SLC9A4: variants seen among roughly 807,000 people sequenced by gnomAD.
SLC9A4 encodes sodium/hydrogen exchanger 4.
In SLC9A4, 63 loss-of-function variants were observed where a neutral mutation model predicts 67.4. That is an observed-to-expected ratio of 0.93 (90% CI 0.76 to 1.15). The LOEUF (loss-of-function observed/expected upper bound fraction) is 1.15. Ranked by LOEUF, SLC9A4 falls within the 50% of genes most tolerant of loss-of-function variation. The probability of loss-of-function intolerance (pLI) is 0.00; values close to 1 mark genes in which losing one functional copy is unlikely to be tolerated. For missense variants in SLC9A4, 1,089 were observed against 987.7 expected (o/e 1.10, Z -1.38); for synonymous variants, 393 against 367.2 (o/e 1.07, Z -0.80).
At chr2:102,513,419 C>G (rs1476604243) in intron 7 of SLC9A4, among the ~76,000 whole-genome samples, 4 of 152,180 alleles carry the variant, frequency 2.6e-5, no homozygotes, top group Admixed American at 2.6e-4. Flanking sequence ...ATTCCAACTC[C>G]AAACAAATGG....
intron 2 of SLC9A4, among the ~76,000 whole-genome samples, chr2:102,485,427 T>C (rs990636382): frequency 4.6e-5 from 7 of 152,236 alleles, no homozygotes; most frequent in Non-Finnish European, 1.0e-4. Flanking sequence ...TTATTGTGGA[T>C]TCTTGCTGCC....
At chr2:102,529,135 G>A (rs995729667) in intron 11 of SLC9A4, among the ~76,000 whole-genome samples, 8 of 152,216 alleles carry the variant, frequency 5.3e-5, no homozygotes, top group African/African-American at 1.9e-4. Flanking sequence ...CTTGACATGG[G>A]TAAATACAGA....
chr2:102,509,510 C>A (rs1225755650), intron 6 of SLC9A4, among the ~76,000 whole-genome samples: 2 of 152,214 alleles, frequency 1.3e-5, no homozygotes, highest in Non-Finnish European at 2.9e-5. Context: ...CATTGTTCTC[C>A]CTACCACAGT....
chr2:102,474,021 T>C lies in SLC9A4; in HGVS notation c.256+6T>C. Reference sequence around the variant, plus strand: ...AGCATCCCTTGCAAAAATAGGTAAGTCCTTAAACACCTGGTTTGGTGAGTT... The same window carrying C: ...AGCATCCCTTGCAAAAATAGGTAAGCCCTTAAACACCTGGTTTGGTGAGTT... On this transcript the variant is annotated splice_donor_region_variant and intron_variant, in intron 1 of 11. Coordinates refer to ENST00000295269, the MANE Select transcript of SLC9A4 (RefSeq NM_001011552.4). The C allele has an allele frequency of 2.5e-6, 4 of 1,611,506 alleles. No homozygotes were observed. The highest frequency in any genetic ancestry group is 1.1e-5 in the South Asian group (1 of 90,974).
intron 2 of SLC9A4, among the ~76,000 whole-genome samples, chr2:102,494,021 G>C (rs944158168): frequency 3.3e-5 from 5 of 151,864 alleles, no homozygotes; most frequent in Non-Finnish European, 5.9e-5. Context: ...CTATGTCATA[G>C]AATTTACCCT....
intron 8 of SLC9A4, 82 bp from the exon 9 acceptor site, chr2:102,519,777 G>T: frequency 7.5e-7 from 1 of 1,330,076 alleles, no homozygotes; most frequent in South Asian, 1.3e-5. Context: ...CCTCAGTACA[G>T]AGCAAGGCCC....
chr2:102,479,090 G>A lies in SLC9A4; in HGVS notation c.508G>A (p.Ala170Thr). 6.2e-7 allele frequency: 1 copy of A among 1,614,196 alleles called. No homozygotes were observed. The highest frequency in any genetic ancestry group is 1.7e-5 in the Admixed American group (1 of 60,022). The change falls in exon 2 of 12, where the codon GCC becomes ACC. Residue 170 changes from alanine to threonine, a missense_variant. Coordinates refer to ENST00000295269, the MANE Select transcript of SLC9A4 (RefSeq NM_001011552.4). ...GGCAGTATTGGGGGCCCTGATCAAC[G>A]CCTTGGGCATTGGCCTCTCCCTCTA... ...WWAVLGALIN[A>T]LGIGLSLYLI...
In SLC9A4 at chr2:102,503,470, C is replaced by T. The variant is rs1398660564; in HGVS notation, c.743C>T (p.Ala248Val). Reference protein sequence around the residue: ...ITVVLYNMLIAFTKMHKFEDI... With the variant: ...ITVVLYNMLIVFTKMHKFEDI... Reference sequence around the variant, plus strand: ...TAGGTCTTATACAATATGTTAATTGCCTTTACAAAGATGCATAAATTTGAA... The same window carrying T: ...TAGGTCTTATACAATATGTTAATTGTCTTTACAAAGATGCATAAATTTGAA... The change falls in exon 3 of 12, where the codon GCC (alanine) becomes GTC (valine). Residue 248 changes from alanine to valine, a missense_variant. Physicochemically the swap from Ala to Val is moderately conservative, Grantham distance 64. Coordinates refer to ENST00000295269, the MANE Select transcript of SLC9A4 (RefSeq NM_001011552.4). 3 of 1,611,806 alleles carry T rather than the reference C, an allele frequency of 1.9e-6. No individual in the cohort carries two copies. Among genetic ancestry groups the T allele is most frequent in the Non-Finnish European group, 1.7e-6 (2 of 1,178,378 alleles).
chr2:102,510,272 C>CAGATACAGATATAGATATAGATAT (rs61491026), intron 6 of SLC9A4, among the ~76,000 whole-genome samples: 4,216 of 126,108 alleles, frequency 0.033, 115 homozygotes, highest in Middle Eastern at 0.07. Flanking sequence ...GATACAGATA[C>CAGATACAGATATAGATATAGATAT]AGATATAGAT....
At chr2:102,528,273 G>T (rs978319155) in intron 11 of SLC9A4, among the ~76,000 whole-genome samples, 2 of 152,098 alleles carry the variant, frequency 1.3e-5, no homozygotes, top group Non-Finnish European at 2.9e-5. Flanking sequence ...CTCCCAAAGT[G>T]CTGGGATTAC....
chr2:102,496,494 A>G (rs1201891827), intron 2 of SLC9A4, among the ~76,000 whole-genome samples: 1 of 152,220 alleles, frequency 6.6e-6, no homozygotes, highest in Non-Finnish European at 1.5e-5. Flanking sequence ...AAAGGGAGGG[A>G]TATACCTAGT....
intron 2 of SLC9A4, among the ~76,000 whole-genome samples, chr2:102,482,644 A>G (rs1020865967): frequency 2.6e-5 from 4 of 152,034 alleles, no homozygotes; most frequent in African/African-American, 9.7e-5. Flanking sequence ...CTCAGATCCA[A>G]GTTTTTTGGA....
At chr2:102,491,141 G>A (rs1684689383) in intron 2 of SLC9A4, among the ~76,000 whole-genome samples, 1 of 152,142 alleles carries the variant, frequency 6.6e-6, no homozygotes, top group African/African-American at 2.4e-5. Context: ...ACCTCAAAGA[G>A]ACTAGAAGTG....
At chr2:102,513,662 T>C (rs1005499592) in intron 7 of SLC9A4, among the ~76,000 whole-genome samples, 1 of 152,244 alleles carries the variant, frequency 6.6e-6, no homozygotes, top group Admixed American at 6.5e-5. Flanking sequence ...TATTGGGTTC[T>C]GGTTGAATAG....
chr2:102,500,740 C>T (rs1684912921), intron 2 of SLC9A4, among the ~76,000 whole-genome samples: 1 of 152,116 alleles, frequency 6.6e-6, no homozygotes, highest in African/African-American at 2.4e-5. Context: ...TATGTCCATC[C>T]CATAACCTCC....
rs187577830 is a variant in SLC9A4, at chr2:102,523,071, C to T, written c.1819-1953C>T. ...GGGGCTTTGACCTCCTAGACTCAAG[C>T]GACTCTCCCACCTCAGCTTCCTGAG... On this transcript the variant is annotated intron_variant, in intron 9 of 11. Transcript: ENST00000295269. Among the ~76,000 whole-genome samples the T allele has an allele frequency of 3.4e-4, 52 of 152,028 alleles. No individual in the cohort carries two copies. In the East Asian group the frequency reaches 9.7e-3, roughly 28 times the overall value.
intron 2 of SLC9A4, among the ~76,000 whole-genome samples, chr2:102,483,496 C>T (rs1684510736): frequency 6.6e-6 from 1 of 152,154 alleles, no homozygotes; most frequent in Non-Finnish European, 1.5e-5. Context: ...GACAATGCTG[C>T]AGATCTTCAT....
intron 2 of SLC9A4, among the ~76,000 whole-genome samples, chr2:102,487,645 C>G (rs1334611240): frequency 1.3e-5 from 2 of 152,140 alleles, no homozygotes; most frequent in Non-Finnish European, 2.9e-5. Context: ...TTGAATTGTA[C>G]AAATTGGCTT....
At chr2:102,492,435 A>G (rs1467166612) in intron 2 of SLC9A4, among the ~76,000 whole-genome samples, 3 of 152,220 alleles carry the variant, frequency 2.0e-5, no homozygotes, top group Admixed American at 2.0e-4. Flanking sequence ...TCAATTCTTG[A>G]CTTCTGTGCA....
Sources: allele counts gnomAD v4.1 joint callset (sites outside exome capture counted in the v4.1 genomes callset), GRCh38; gene constraint gnomAD v4.1.1; transcripts MANE v1.5; gene names NCBI Gene and HGNC (gene_info 2026-07-23, HGNC 2026-07-21).